KHDRBS2: variants seen among roughly 807,000 people sequenced by gnomAD.
The protein encoded by KHDRBS2 is KH domain-containing, RNA-binding, signal transduction-associated protein 2.
KHDRBS2 carries 26 observed loss-of-function variants against 44.3 expected under a neutral mutation model. The ratio of observed to expected loss-of-function variants is 0.59; its 90% CI spans 0.43 to 0.81. KHDRBS2 has a LOEUF of 0.81. Ranked by LOEUF, KHDRBS2 falls within the 40% of genes least tolerant of loss-of-function variation. The probability of loss-of-function intolerance (pLI) is 0.00; values close to 1 mark genes in which losing one functional copy is unlikely to be tolerated. For synonymous variants in KHDRBS2, 194 were observed against 151.1 expected (o/e 1.28, Z -2.08); for missense variants, 476 against 433.1 (o/e 1.10, Z -0.88).
Position 62,286,102 on chromosome 6 carries a change from T to C in KHDRBS2, c.-154A>G. On this transcript the variant is annotated 5_prime_UTR_variant, in exon 1 of 9. Transcript: ENST00000281156. ...CTCACTGGCCCATGCACCCAGCACC[T>C]GCGACTCCCGCCGTCGGGCTGCGTG... 1.7e-6 allele frequency: 1 copy of C among 588,534 alleles called. No individual in the cohort carries two copies. Among genetic ancestry groups the C allele is most frequent in the Non-Finnish European group, 3.0e-6 (1 of 335,596 alleles). The allele number at this position is 588,534 out of a possible 1,614,324, so 36.5% of individuals were successfully genotyped here.
At chr6:61,739,312 A>G (rs563992078) in intron 6 of KHDRBS2, among the ~76,000 whole-genome samples, 1 of 151,970 alleles carries the variant, frequency 6.6e-6, no homozygotes, top group South Asian at 2.1e-4. Flanking sequence ...GTTATTTGAC[A>G]TTTTTATTTA....
At chr6:62,234,739 G>A (rs1833433082) in intron 1 of KHDRBS2, among the ~76,000 whole-genome samples, 1 of 151,906 alleles carries the variant, frequency 6.6e-6, no homozygotes, top group Admixed American at 6.6e-5. Context: ...GACCATAGGA[G>A]TACTTGAAAA....
At chr6:62,178,343 T>G (rs889238299) in intron 1 of KHDRBS2, among the ~76,000 whole-genome samples, 2 of 151,474 alleles carry the variant, frequency 1.3e-5, no homozygotes, top group African/African-American at 4.8e-5. Context: ...GAATAGTGAA[T>G]GTGGAAAAAA....
intron 4 of KHDRBS2, among the ~76,000 whole-genome samples, chr6:61,905,917 A>G (rs1583439796): frequency 7.5e-6 from 1 of 133,042 alleles, no homozygotes; most frequent in African/African-American, 2.9e-5. Context: ...GTGCAGTGGC[A>G]TGATCTCGGC....
intron 1 of KHDRBS2, among the ~76,000 whole-genome samples, chr6:62,185,754 C>T (rs751758591): frequency 2.0e-5 from 3 of 151,922 alleles, no homozygotes; most frequent in Non-Finnish European, 4.4e-5. Flanking sequence ...CTATCTGATA[C>T]TCCAATCCCC....
chr6:61,551,067 C>T, the KHDRBS2 span, among the ~76,000 whole-genome samples: 1 of 152,150 alleles, frequency 6.6e-6, no homozygotes, highest in Non-Finnish European at 1.5e-5. Context: ...AGTCACCATG[C>T]CCATCCAAGT....
intron 1 of KHDRBS2, among the ~76,000 whole-genome samples, chr6:62,183,669 A>C (rs1457430343): frequency 1.3e-5 from 2 of 151,656 alleles, no homozygotes; most frequent in African/African-American, 4.8e-5. Context: ...ATTTACATGC[A>C]AGATATAATT....
At chr6:61,583,592 C>T in the KHDRBS2 span, among the ~76,000 whole-genome samples, 2 of 151,668 alleles carry the variant, frequency 1.3e-5, no homozygotes, top group Non-Finnish European at 3.0e-5. Flanking sequence ...CATCCTTTGC[C>T]ACACTTACTT....
At chr6:62,147,936 G>C (rs1814293714) in intron 2 of KHDRBS2, among the ~76,000 whole-genome samples, 1 of 151,854 alleles carries the variant, frequency 6.6e-6, no homozygotes, top group Non-Finnish European at 1.5e-5. Flanking sequence ...ATCCATTTTG[G>C]AACTAGGAAT....
intron 6 of KHDRBS2, among the ~76,000 whole-genome samples, chr6:61,745,228 T>G (rs1193362604): frequency 2.6e-5 from 4 of 152,186 alleles, no homozygotes; most frequent in Non-Finnish European, 5.9e-5. Flanking sequence ...GGAGATATCC[T>G]GAAACATTTT....
chr6:62,285,803 C>T (rs1372595355), intron 1 of KHDRBS2, 55 bp downstream of exon 1: 2 of 1,288,690 alleles, frequency 1.6e-6, no homozygotes, highest in African/African-American at 3.0e-5. Context: ...CTAATCAAGC[C>T]GCGGGTGAGA....
chr6:61,996,031 G>A (rs1048047586), intron 3 of KHDRBS2, among the ~76,000 whole-genome samples: 1 of 152,138 alleles, frequency 6.6e-6, no homozygotes, highest in Non-Finnish European at 1.5e-5. Flanking sequence ...AAAAGGAAAA[G>A]AGACAAAGAA....
At chr6:61,752,345 A>ACTCACAGATT (rs1383551979) in intron 6 of KHDRBS2, among the ~76,000 whole-genome samples, 1 of 152,162 alleles carries the variant, frequency 6.6e-6, no homozygotes, top group Non-Finnish European at 1.5e-5. Context: ...GAGTTTAGCA[A>ACTCACAGATT]CATGCTCAAG....
chr6:61,563,786 C>T, the KHDRBS2 span, among the ~76,000 whole-genome samples: 1 of 152,152 alleles, frequency 6.6e-6, no homozygotes, highest in East Asian at 1.9e-4. Flanking sequence ...GTACATTATA[C>T]AGCGACGTTA....
At chr6:62,115,606 G>A (rs1256327265) in intron 2 of KHDRBS2, among the ~76,000 whole-genome samples, 1 of 152,118 alleles carries the variant, frequency 6.6e-6, no homozygotes, top group Non-Finnish European at 1.5e-5. Flanking sequence ...GTATGTATTG[G>A]CTTGCTTTCC....
chr6:62,213,967 C>T lies in KHDRBS2; in HGVS notation c.92-36655G>A, dbSNP rs114045775. 8.3e-3 allele frequency among the ~76,000 whole-genome samples: 1,200 copies of T among 144,990 alleles called. 16 individuals carry two copies. The highest frequency in any genetic ancestry group is 0.029 in the African/African-American group (1,136 of 39,356). ...TTGTTTTCTCAAATAGATTTTCTAG[C>T]AAGAGAAATACATGATGATAAAATA... On this transcript the variant is annotated intron_variant, in intron 1 of 8. Coordinates refer to ENST00000281156, the MANE Select transcript of KHDRBS2 (RefSeq NM_152688.4).
At chr6:61,991,141 A>G (rs1208503969) in intron 3 of KHDRBS2, among the ~76,000 whole-genome samples, 1 of 152,224 alleles carries the variant, frequency 6.6e-6, no homozygotes, top group Non-Finnish European at 1.5e-5. Context: ...TCCAGGAAAT[A>G]CAACGTTTAG....
At chr6:62,046,772 G>C (rs1787793988) in intron 3 of KHDRBS2, among the ~76,000 whole-genome samples, 1 of 151,810 alleles carries the variant, frequency 6.6e-6, no homozygotes, top group Non-Finnish European at 1.5e-5. Flanking sequence ...GAGGCAGGAG[G>C]ATTGGCAAGA....
At chr6:62,015,545 C>G (rs958124798) in intron 3 of KHDRBS2, among the ~76,000 whole-genome samples, 2 of 152,102 alleles carry the variant, frequency 1.3e-5, no homozygotes. Flanking sequence ...AGCCCTCCAT[C>G]TAAAAGTCCC....
Sources: gnomAD v4.1 joint callset for allele counts (sites outside exome capture counted in the v4.1 genomes callset) on GRCh38, gnomAD v4.1.1 for gene constraint, MANE v1.5 for transcripts, NCBI Gene and HGNC (gene_info 2026-07-23, HGNC 2026-07-21) for gene names.